FAR2: variants seen among roughly 807,000 people sequenced by gnomAD.
The protein encoded by FAR2 is epididymis secretory protein Li 81.
Under a neutral mutation model 56.0 loss-of-function variants are expected in FAR2, and 19 were observed. That is an observed-to-expected ratio of 0.34 (90% confidence interval 0.24 to 0.50). FAR2 has a LOEUF of 0.50. Ranked by LOEUF, FAR2 falls within the 20% of genes least tolerant of loss-of-function variation. The pLI is 0.98. For missense variants in FAR2, 508 were observed against 642.2 expected (o/e 0.79, Z 2.26); for synonymous variants, 219 against 218.8 (o/e 1.00, Z -0.01).
At chr12:29,154,908 A>G (rs1949714115) in intron 1 of FAR2, among the ~76,000 whole-genome samples, 1 of 152,182 alleles carries the variant, frequency 6.6e-6, no homozygotes, top group African/African-American at 2.4e-5. Context: ...GCTGTCCTAT[A>G]TTAATAGATT....
chr12:29,162,003 G>A (rs1022415176), intron 1 of FAR2, among the ~76,000 whole-genome samples: 2 of 152,122 alleles, frequency 1.3e-5, no homozygotes, highest in Admixed American at 6.5e-5. Flanking sequence ...GTGGGTATAC[G>A]TTATATGTTC....
At position 29,229,528 on chromosome 12, in the gene FAR2, A is replaced by T. The variant is rs1001711876; in HGVS notation, c.-38-40884A>T. Among the ~76,000 whole-genome samples the T allele has an allele frequency of 3.4e-4, 52 of 152,348 alleles. 1 individual carries two copies. Among genetic ancestry groups the T allele is most frequent in the African/African-American group, 1.2e-3 (51 of 41,580 alleles). On this transcript the variant is annotated intron_variant, in intron 1 of 11. Transcript: ENST00000536681. ...TAAAAAAGAAACTAAAGAAAAAAAA[A>T]GACCAAATCTATTTGTTACTTAACT...
chr12:29,200,908 A>G (rs1418556087), intron 1 of FAR2, among the ~76,000 whole-genome samples: 9 of 152,202 alleles, frequency 5.9e-5, no homozygotes, highest in African/African-American at 1.9e-4. Flanking sequence ...AACTGTTTAC[A>G]GGACTCAGCA....
chr12:29,221,878 C>G (rs907992122), intron 1 of FAR2, among the ~76,000 whole-genome samples: 10 of 152,096 alleles, frequency 6.6e-5, no homozygotes, highest in African/African-American at 2.4e-4. Flanking sequence ...GACGGAGTCT[C>G]GCTCTGTCAC....
At chr12:29,194,652 A>G (rs1013187024) in intron 1 of FAR2, among the ~76,000 whole-genome samples, 1 of 152,048 alleles carries the variant, frequency 6.6e-6, no homozygotes, top group Non-Finnish European at 1.5e-5. Flanking sequence ...GTCTTGAGAG[A>G]GCTGGGATAA....
chr12:29,298,036 C>CAAAA (rs71042980), intron 4 of FAR2, among the ~76,000 whole-genome samples: 152 of 123,494 alleles, frequency 1.2e-3, no homozygotes, highest in African/African-American at 2.6e-3. Flanking sequence ...AACTCCGTCT[C>CAAAA]AAAAAAAAAA....
chr12:29,316,335 C>T (rs1360377333), intron 8 of FAR2, among the ~76,000 whole-genome samples: 1 of 151,960 alleles, frequency 6.6e-6, no homozygotes, highest in African/African-American at 2.4e-5. Context: ...TAACATATTC[C>T]CAGAGAAGTA....
At chr12:29,180,861 G>T (rs897214938) in intron 1 of FAR2, among the ~76,000 whole-genome samples, 1 of 151,880 alleles carries the variant, frequency 6.6e-6, no homozygotes, top group Admixed American at 6.6e-5. Flanking sequence ...GAAATCATTT[G>T]GTTTTCTCAT....
intron 1 of FAR2, among the ~76,000 whole-genome samples, chr12:29,192,206 A>G (rs760683100): frequency 3.2e-4 from 49 of 152,258 alleles, no homozygotes; most frequent in Non-Finnish European, 3.4e-4. Flanking sequence ...ACCACAGTGA[A>G]TAATTCTCTC....
chr12:29,156,257 AAAG>A, intron 1 of FAR2, among the ~76,000 whole-genome samples: 1 of 152,356 alleles, frequency 6.6e-6, no homozygotes, highest in Non-Finnish European at 1.5e-5. Context: ...TCACCAAAAA[AAAG>A]ATAAGTGATG....
intron 1 of FAR2, among the ~76,000 whole-genome samples, chr12:29,240,655 G>T (rs1009572244): frequency 2.6e-5 from 4 of 152,056 alleles, no homozygotes; most frequent in African/African-American, 7.2e-5. Flanking sequence ...GTCAGGCAGC[G>T]TTTAGTAACT....
chr12:29,242,793 A>G (rs1394321247), intron 1 of FAR2, among the ~76,000 whole-genome samples: 1 of 152,192 alleles, frequency 6.6e-6, no homozygotes, highest in Non-Finnish European at 1.5e-5. Flanking sequence ...CTACATTTGG[A>G]TACTAGTTAA....
At chr12:29,264,660 G>GGA (rs113316033) in intron 1 of FAR2, among the ~76,000 whole-genome samples, 20,398 of 89,230 alleles carry the variant, frequency 0.23, 1,548 homozygotes, top group Middle Eastern at 0.38. Context: ...AATAAATAAA[G>GGA]GAGAGAGAGA....
At chr12:29,273,098 T>G (rs7976667) in intron 2 of FAR2, among the ~76,000 whole-genome samples, 70,595 of 151,938 alleles carry the variant, frequency 0.46, 16,875 homozygotes, top group East Asian at 0.62. Flanking sequence ...TGACAACCCC[T>G]GTAGGAAGGT....
intron 4 of FAR2, among the ~76,000 whole-genome samples, chr12:29,297,949 T>A (rs1369480419): frequency 5.3e-5 from 8 of 149,810 alleles, no homozygotes; most frequent in Admixed American, 2.7e-4. Context: ...CTGGGGAGAA[T>A]CGCTTGAACC....
At chr12:29,313,515 C>T (rs1949388500) in intron 8 of FAR2, among the ~76,000 whole-genome samples, 1 of 151,980 alleles carries the variant, frequency 6.6e-6, no homozygotes, top group African/African-American at 2.4e-5. Flanking sequence ...GCAATCTATT[C>T]CTTGGAAACT....
intron 1 of FAR2, among the ~76,000 whole-genome samples, chr12:29,169,969 A>G (rs1313206695): frequency 6.6e-6 from 1 of 152,210 alleles, no homozygotes; most frequent in Non-Finnish European, 1.5e-5. Flanking sequence ...AATACAAGTT[A>G]CACTGTTAAC....
chr12:29,203,961 C>A (rs1332921534), intron 1 of FAR2, among the ~76,000 whole-genome samples: 1 of 137,528 alleles, frequency 7.3e-6, no homozygotes, highest in Admixed American at 8.0e-5. Flanking sequence ...GATTGCGCCA[C>A]CACACTCCAG....
rs549043355 is a variant in FAR2, at chr12:29,258,488, C to T, written c.-38-11924C>T. On this transcript the variant is annotated intron_variant, in intron 1 of 11. Coordinates refer to ENST00000536681, the MANE Select transcript of FAR2 (RefSeq NM_001271783.2). ...CCTAACATAATTATTGAAAGAATTT[C>T]AATGTTTAATTTTGATGAACAGAAC... Among the ~76,000 whole-genome samples the T allele has an allele frequency of 1.6e-4, 24 of 152,142 alleles. No homozygotes were observed. In the South Asian group the frequency reaches 1.9e-3, roughly 12 times the overall value.
Sources: gnomAD v4.1 joint callset for allele counts (sites outside exome capture counted in the v4.1 genomes callset) on GRCh38, gnomAD v4.1.1 for gene constraint, MANE v1.5 for transcripts, NCBI Gene and HGNC (gene_info 2026-07-23, HGNC 2026-07-21) for gene names.